The following RIN3 variants were observed in gnomAD, a reference collection of about 807,000 sequenced individuals.
RIN3 encodes Ras and Rab interactor 3.
RIN3 carries 54 observed loss-of-function variants against 76.3 expected under a neutral mutation model. The ratio of observed to expected loss-of-function variants is 0.71; its 90% CI spans 0.57 to 0.89. The LOEUF (loss-of-function observed/expected upper bound fraction) is 0.89, where lower values mean the gene tolerates loss of function less well. Ranked by LOEUF, RIN3 falls within the 40% of genes least tolerant of loss-of-function variation. The probability of loss-of-function intolerance (pLI) is 0.00; values close to 1 mark genes in which losing one functional copy is unlikely to be tolerated. For missense variants in RIN3, 1,256 were observed against 1,322.1 expected (o/e 0.95, Z 0.78); for synonymous variants, 576 against 564.0 (o/e 1.02, Z -0.30).
intron 1 of RIN3, among the ~76,000 whole-genome samples, chr14:92,535,334 C>CTTTTTTTTTTT (rs5810602): frequency 7.7e-6 from 1 of 130,024 alleles, no homozygotes; most frequent in Non-Finnish European, 1.6e-5. Context: ...TTCTTTCTTT[C>CTTTTTTTTTTT]TTTTTTTTTT....
rs1457880262 is a variant in RIN3 at position 92,651,616 on chromosome 14, A to G, written c.567A>G (p.Glu189=). The change falls in exon 6 of 10, where the codon GAA becomes GAG. Residue 189 remains glutamate (E), a synonymous_variant. Transcript: ENST00000216487. ...ACTCCTCGCTGAATCCTCCACAAGA[A>G]AGAGGGAAGCCAGCAGAGCCCCCAA... ...FWDSSLNPPQ[E]RGKPAEPPRD... 1 of 1,609,984 alleles carries G rather than the reference A, an allele frequency of 6.2e-7. No individual in the cohort carries two copies. Among genetic ancestry groups the G allele is most frequent in the Non-Finnish European group, 8.5e-7 (1 of 1,177,740 alleles).
chr14:92,530,954 C>A (rs774094084), intron 1 of RIN3, among the ~76,000 whole-genome samples: 1 of 152,108 alleles, frequency 6.6e-6, no homozygotes, highest in Non-Finnish European at 1.5e-5. Flanking sequence ...CATCTGCTGG[C>A]AAAGTCCCAC....
rs376125958 is a variant in RIN3 at position 92,530,837 on chromosome 14, G to A, written c.44+16861G>A. On this transcript the variant is annotated intron_variant, in intron 1 of 9. Coordinates refer to ENST00000216487, the MANE Select transcript of RIN3 (RefSeq NM_024832.5). ...ACCTTCCAAGCCCCACTGAGGGGAT[G>A]ACCTCCCTATCTTCTCCCCAAGTTG... Among the ~76,000 whole-genome samples the A allele has an allele frequency of 1.6e-4, 24 of 152,194 alleles. No homozygotes were observed. In the East Asian group the frequency reaches 4.7e-3, roughly 30 times the overall value.
chr14:92,572,591 C>T (rs933625901), intron 2 of RIN3, among the ~76,000 whole-genome samples: 6 of 152,208 alleles, frequency 3.9e-5, no homozygotes, highest in African/African-American at 1.4e-4. Context: ...CTGCTGATAC[C>T]TGACTACCTA....
intron 3 of RIN3, among the ~76,000 whole-genome samples, chr14:92,588,967 T>G (rs1416384109): frequency 6.6e-6 from 1 of 152,230 alleles, no homozygotes; most frequent in Non-Finnish European, 1.5e-5. Flanking sequence ...CTGGCCATCC[T>G]GAAATAGCAG....
intron 6 of RIN3, among the ~76,000 whole-genome samples, chr14:92,654,326 AG>A (rs1234475330): frequency 1.8e-5 from 2 of 111,424 alleles, no homozygotes. Context: ...AAAAAAAAAA[AG>A]AAAAGAAAAG....
intron 1 of RIN3, among the ~76,000 whole-genome samples, chr14:92,531,311 C>A (rs552084491): frequency 6.2e-4 from 95 of 152,330 alleles, no homozygotes; most frequent in African/African-American, 2.1e-3. Context: ...CCTCTCAGGG[C>A]ACACAAACAT....
chr14:92,661,759 A>ACACACACAC (rs11436084), intron 7 of RIN3, among the ~76,000 whole-genome samples: 1 of 101,840 alleles, frequency 9.8e-6, no homozygotes, highest in Non-Finnish European at 2.1e-5. Context: ...ACACACACAC[A>ACACACACAC]AAAAATAGAA....
chr14:92,667,613 T>C (rs1164215305), intron 7 of RIN3, among the ~76,000 whole-genome samples: 2 of 152,234 alleles, frequency 1.3e-5, no homozygotes, highest in Admixed American at 1.3e-4. Flanking sequence ...TTCTTTCTAG[T>C]CTTTTTGAAA....
Position 92,685,259 on chromosome 14 carries a change from C to T in RIN3, c.2631+109C>T. Reference sequence around the variant, plus strand: ...TCACCTGGCTGCTCCAGCCGCCCAGCCCTGCCTTAGGGGAGCAGTGAGACT... The same window carrying T: ...TCACCTGGCTGCTCCAGCCGCCCAGTCCTGCCTTAGGGGAGCAGTGAGACT... On this transcript the variant is annotated intron_variant, in intron 9 of 9. Coordinates refer to ENST00000216487, the MANE Select transcript of RIN3 (RefSeq NM_024832.5). The surrounding 1 kb of genome is among the most constrained non-coding windows in gnomAD (Gnocchi z 4.7). 2 of 1,240,728 alleles carry T rather than the reference C, an allele frequency of 1.6e-6. No homozygotes were observed. Among genetic ancestry groups the T allele is most frequent in the South Asian group, 3.0e-5 (2 of 67,640 alleles). The allele number at this position is 1,240,728 out of a possible 1,614,324, so 76.9% of individuals were successfully genotyped here. A position where few individuals can be genotyped will look rare whatever the true frequency, so the allele number is the denominator to read the frequency against.
At chr14:92,524,743 A>G (rs1896683584) in intron 1 of RIN3, among the ~76,000 whole-genome samples, 1 of 152,168 alleles carries the variant, frequency 6.6e-6, no homozygotes, top group Non-Finnish European at 1.5e-5. Context: ...CTGCTTGCAG[A>G]TGAATTGGTG....
At chr14:92,586,177 C>T (rs149504285) in intron 3 of RIN3, among the ~76,000 whole-genome samples, 14 of 152,252 alleles carry the variant, frequency 9.2e-5, no homozygotes, top group Middle Eastern at 3.4e-3. Flanking sequence ...GCACATGGGA[C>T]GCGCTCCACA....
At chr14:92,625,201 T>TG (rs1348545881) in intron 4 of RIN3, among the ~76,000 whole-genome samples, 1 of 152,176 alleles carries the variant, frequency 6.6e-6, no homozygotes, top group Non-Finnish European at 1.5e-5. Context: ...AACATCTGTT[T>TG]GAGGGGCAGT....
At chr14:92,542,971 G>A (rs1897160212) in intron 1 of RIN3, among the ~76,000 whole-genome samples, 1 of 152,182 alleles carries the variant, frequency 6.6e-6, no homozygotes, top group Non-Finnish European at 1.5e-5. Flanking sequence ...TCATGAGTAA[G>A]GGGTTTCTTT....
At chr14:92,549,448 C>T (rs1406713191) in intron 1 of RIN3, among the ~76,000 whole-genome samples, 1 of 152,210 alleles carries the variant, frequency 6.6e-6, no homozygotes, top group Non-Finnish European at 1.5e-5. Context: ...TAATAGGCAG[C>T]ATCTAGCCAG....
chr14:92,517,795 C>T (rs748638602), intron 1 of RIN3, among the ~76,000 whole-genome samples: 3 of 152,212 alleles, frequency 2.0e-5, no homozygotes, highest in East Asian at 1.9e-4. Context: ...ATCTCCCCTC[C>T]GTCCTACCCC....
At chr14:92,561,425 G>T (rs12880596) in intron 2 of RIN3, among the ~76,000 whole-genome samples, 76,823 of 151,142 alleles carry the variant, frequency 0.51, 20,120 homozygotes, top group East Asian at 0.79. Context: ...TGGCCCATTT[G>T]TTCATTTGTG....
Position 92,688,694 on chromosome 14 carries a change from C to T in RIN3, c.*442C>T, listed in dbSNP as rs1400221509. 1.2e-5 allele frequency: 2 copies of T among 173,384 alleles called. No homozygotes were observed. Among genetic ancestry groups the T allele is most frequent in the Non-Finnish European group, 1.2e-5 (1 of 81,964 alleles). 10.7% of individuals were successfully genotyped at this position (173,384 alleles called of 1,614,324 possible). On this transcript the variant is annotated 3_prime_UTR_variant, in exon 10 of 10. Transcript: ENST00000216487. ...GGCCACAGCTGCTCCCCGTGCCACTCAGGGTGGACCCAGCATCTCAGGAGC... is the reference window on the plus strand; with the variant it reads ...GGCCACAGCTGCTCCCCGTGCCACTTAGGGTGGACCCAGCATCTCAGGAGC...
chr14:92,653,114 G>A (rs370940507), intron 6 of RIN3, 39 bp downstream of exon 6: 33 of 1,561,616 alleles, frequency 2.1e-5, no homozygotes, highest in Middle Eastern at 1.8e-4. Context: ...AGGAGAGGGC[G>A]GTGGGGCTCA....
Sources: gnomAD v4.1 joint callset for allele counts (sites outside exome capture counted in the v4.1 genomes callset) on GRCh38, gnomAD v4.1.1 for gene constraint, Gnocchi (gnomAD v3.1) non-coding constraint, MANE v1.5 for transcripts, NCBI Gene and HGNC (gene_info 2026-07-23, HGNC 2026-07-21) for gene names.